The following DLGAP2 variants were observed in gnomAD, a reference collection of about 807,000 sequenced individuals.
The protein encoded by DLGAP2 is DLG associated protein 2, also known as disks large-associated protein 2.
A neutral mutation model predicts 100.3 loss-of-function variants in DLGAP2; 26 were observed. That is an observed-to-expected ratio of 0.26 (90% CI 0.19 to 0.36). The LOEUF (loss-of-function observed/expected upper bound fraction) is 0.36, where lower values mean the gene tolerates loss of function less well. Among genes scored for constraint, DLGAP2 ranks in the 10% least tolerant of loss-of-function variants. The pLI is 1.00. For synonymous variants in DLGAP2, 886 were observed against 630.1 expected (o/e 1.41, Z -6.08); for missense variants, 1,858 against 1,453.2 (o/e 1.28, Z -4.53).
At chr8:770,365 T>A (rs2132605674) in intron 1 of DLGAP2, among the ~76,000 whole-genome samples, 1 of 152,308 alleles carries the variant, frequency 6.6e-6, no homozygotes, top group Non-Finnish European at 1.5e-5. Flanking sequence ...CCTTCTGGGT[T>A]ATTTAATCAC....
At chr8:1,252,697 G>A (rs557520376) in intron 2 of DLGAP2, among the ~76,000 whole-genome samples, 5 of 152,390 alleles carry the variant, frequency 3.3e-5, no homozygotes, top group Middle Eastern at 3.4e-3. Flanking sequence ...GCCGCCGGGT[G>A]TCATGGCTGG....
intron 14 of DLGAP2, among the ~76,000 whole-genome samples, chr8:1,700,864 G>A (rs551795748): frequency 1.3e-5 from 2 of 152,354 alleles, no homozygotes; most frequent in Admixed American, 6.5e-5. Context: ...CAGGAATCGG[G>A]CGACAATGTC....
intron 3 of DLGAP2, among the ~76,000 whole-genome samples, chr8:1,321,889 C>T (rs535681427): frequency 2.6e-5 from 4 of 152,210 alleles, no homozygotes; most frequent in East Asian, 1.9e-4. Context: ...ATTCTCAGAC[C>T]CATTCTGCAG....
At chr8:1,608,936 G>A (rs1462727424) in intron 6 of DLGAP2, among the ~76,000 whole-genome samples, 1 of 151,998 alleles carries the variant, frequency 6.6e-6, no homozygotes, top group Non-Finnish European at 1.5e-5. Context: ...AAAGTGATGG[G>A]GCGAATGGAA....
At chr8:1,030,585 A>G (rs1359068485) in intron 2 of DLGAP2, among the ~76,000 whole-genome samples, 1 of 152,186 alleles carries the variant, frequency 6.6e-6, no homozygotes, top group Non-Finnish European at 1.5e-5. Flanking sequence ...AATATTTTTC[A>G]TGTTTAAGCT....
At chr8:838,496 A>G (rs1300403466) in intron 1 of DLGAP2, among the ~76,000 whole-genome samples, 2 of 152,044 alleles carry the variant, frequency 1.3e-5, no homozygotes, top group African/African-American at 4.8e-5. Flanking sequence ...TTGATAATAT[A>G]TGGGTCTTCA....
intron 1 of DLGAP2, among the ~76,000 whole-genome samples, chr8:761,782 C>T (rs891682934): frequency 1.3e-5 from 2 of 152,312 alleles, no homozygotes; most frequent in East Asian, 3.9e-4. Flanking sequence ...CCTGAGGTCG[C>T]GCTGTCCTCA....
intron 4 of DLGAP2, among the ~76,000 whole-genome samples, chr8:1,523,514 G>A (rs73172591): frequency 1.3e-5 from 2 of 152,064 alleles, no homozygotes; most frequent in Non-Finnish European, 2.9e-5. Context: ...TGCCTTAGAC[G>A]GGGGGGAAGG....
intron 2 of DLGAP2, among the ~76,000 whole-genome samples, chr8:924,065 G>A (rs1226358531): frequency 1.3e-5 from 2 of 152,206 alleles, no homozygotes; most frequent in African/African-American, 4.8e-5. Context: ...ATTGATGGCT[G>A]TAGATAGGAG....
At chr8:877,869 G>C (rs751206751) in intron 1 of DLGAP2, among the ~76,000 whole-genome samples, 12 of 152,198 alleles carry the variant, frequency 7.9e-5, no homozygotes, top group African/African-American at 2.7e-4. Flanking sequence ...CTTTTGTCCT[G>C]CTTCTCCAGC....
intron 4 of DLGAP2, 151 bp from the exon 5 acceptor site, chr8:1,548,475 A>AC (rs1379993881): frequency 5.3e-6 from 3 of 569,142 alleles, no homozygotes; most frequent in Non-Finnish European, 5.5e-6. Flanking sequence ...AAAAAAAAAA[A>AC]AAAAAAAAAC....
intron 1 of DLGAP2, among the ~76,000 whole-genome samples, chr8:812,374 A>T (rs1796388708): frequency 6.6e-6 from 1 of 152,152 alleles, no homozygotes; most frequent in African/African-American, 2.4e-5. Flanking sequence ...TGTCTGCGGG[A>T]AGTCCCTGCC....
At chr8:1,336,769 C>G (rs774233392) in intron 3 of DLGAP2, among the ~76,000 whole-genome samples, 1 of 152,204 alleles carries the variant, frequency 6.6e-6, no homozygotes, top group Non-Finnish European at 1.5e-5. Context: ...GTGGGCTCCT[C>G]TCACCCTCTT....
intron 1 of DLGAP2, among the ~76,000 whole-genome samples, chr8:756,577 A>G (rs1181473984): frequency 6.6e-6 from 1 of 152,048 alleles, no homozygotes. Context: ...TATGCAGCCT[A>G]CCCTGAGATC....
At chr8:1,177,154 C>G (rs1312866880) in intron 2 of DLGAP2, among the ~76,000 whole-genome samples, 1 of 152,186 alleles carries the variant, frequency 6.6e-6, no homozygotes, top group Admixed American at 6.5e-5. Flanking sequence ...CACGCACGCC[C>G]AGCACCCCAT....
chr8:1,427,424 C>T (rs1191689791), intron 3 of DLGAP2, among the ~76,000 whole-genome samples: 5 of 152,164 alleles, frequency 3.3e-5, no homozygotes, highest in Non-Finnish European at 7.3e-5. Flanking sequence ...GATGTGGCTA[C>T]TCCCTCATAA....
chr8:1,132,396 A>G (rs1208007852), intron 2 of DLGAP2, among the ~76,000 whole-genome samples: 1 of 152,220 alleles, frequency 6.6e-6, no homozygotes, highest in South Asian at 2.1e-4. Flanking sequence ...AATTTCTGTA[A>G]TATTACAGTT....
intron 2 of DLGAP2, among the ~76,000 whole-genome samples, chr8:1,215,251 G>A (rs1260714705): frequency 6.6e-6 from 1 of 152,234 alleles, no homozygotes; most frequent in Non-Finnish European, 1.5e-5. Context: ...TAGGAGAAGA[G>A]AAAGTCAAAT....
intron 8 of DLGAP2, among the ~76,000 whole-genome samples, chr8:1,644,180 A>G (rs886670323): frequency 2.0e-5 from 3 of 151,984 alleles, no homozygotes; most frequent in African/African-American, 7.3e-5. Context: ...GTGCCTCCTC[A>G]GCCTCCAGGG....
Sources: gnomAD v4.1 joint callset for allele counts (sites outside exome capture counted in the v4.1 genomes callset) on GRCh38, gnomAD v4.1.1 for gene constraint, MANE v1.5 for transcripts, NCBI Gene and HGNC (gene_info 2026-07-23, HGNC 2026-07-21) for gene names.